LAMA2: variants seen among roughly 807,000 people sequenced by gnomAD.
The protein encoded by LAMA2 is laminin subunit alpha-2.
A neutral mutation model predicts 364.8 loss-of-function variants in LAMA2; 269 were observed. The ratio of observed to expected loss-of-function variants is 0.74; its 90% CI spans 0.67 to 0.82. The LOEUF (loss-of-function observed/expected upper bound fraction) is 0.82, where lower values mean the gene tolerates loss of function less well. LAMA2 is among the 40% of genes least tolerant of loss of function. The probability of loss-of-function intolerance (pLI) is 0.00; values close to 1 mark genes in which losing one functional copy is unlikely to be tolerated. For missense variants in LAMA2, 3,807 were observed against 3,873.2 expected (o/e 0.98, Z 0.45); for synonymous variants, 1,379 against 1,370.6 (o/e 1.01, Z -0.14).
At chr6:129,457,416 G>A in intron 48 of LAMA2, among the ~76,000 whole-genome samples, 1 of 151,998 alleles carries the variant, frequency 6.6e-6, no homozygotes, top group Admixed American at 6.6e-5. Context: ...GCACACAGTA[G>A]TACAAAAGCC....
intron 1 of LAMA2, among the ~76,000 whole-genome samples, chr6:129,042,819 T>A (rs947671893): frequency 6.6e-6 from 1 of 152,218 alleles, no homozygotes; most frequent in Non-Finnish European, 1.5e-5. Context: ...TTTGGAGTCA[T>A]CAGCATTGTT....
chr6:129,070,634 T>C (rs1313957131), intron 3 of LAMA2, among the ~76,000 whole-genome samples: 1 of 152,176 alleles, frequency 6.6e-6, no homozygotes. Context: ...GTATGCTCTT[T>C]CCTTAAAAGC....
At chr6:129,402,545 A>G in intron 39 of LAMA2, 58 bp downstream of exon 39, 3 of 1,504,682 alleles carry the variant, frequency 2.0e-6, no homozygotes, top group Non-Finnish European at 1.8e-6. Context: ...AAAGGTTTTG[A>G]CTAGCATAAA....
chr6:129,037,816 C>T (rs1260562791), intron 1 of LAMA2, among the ~76,000 whole-genome samples: 2 of 152,076 alleles, frequency 1.3e-5, no homozygotes, highest in Admixed American at 6.5e-5. Context: ...ACTACAGGTG[C>T]TTGCCACCAC....
intron 21 of LAMA2, among the ~76,000 whole-genome samples, chr6:129,299,114 A>G (rs991798257): frequency 6.6e-6 from 1 of 152,018 alleles, no homozygotes; most frequent in Non-Finnish European, 1.5e-5. Flanking sequence ...ATGCAGACCT[A>G]CTAGCATTCT....
chr6:129,495,722 G>T (rs1785137937), intron 58 of LAMA2, among the ~76,000 whole-genome samples: 1 of 151,974 alleles, frequency 6.6e-6, no homozygotes, highest in Admixed American at 6.6e-5. Context: ...ATTTTATAGG[G>T]CCTCTCAAGC....
intron 1 of LAMA2, among the ~76,000 whole-genome samples, chr6:128,950,296 G>A (rs1298367997): frequency 1.3e-5 from 2 of 152,104 alleles, no homozygotes; most frequent in Non-Finnish European, 2.9e-5. Flanking sequence ...AGGAAGATAT[G>A]TTCAAAGCAG....
chr6:128,956,576 T>A (rs1398809997), intron 1 of LAMA2, among the ~76,000 whole-genome samples: 1 of 152,040 alleles, frequency 6.6e-6, no homozygotes, highest in Non-Finnish European at 1.5e-5. Context: ...AATTAATGTA[T>A]AATAAACTTA....
At chr6:129,322,546 T>C (rs1402535120) in intron 28 of LAMA2, among the ~76,000 whole-genome samples, 2 of 152,194 alleles carry the variant, frequency 1.3e-5, no homozygotes, top group African/African-American at 4.8e-5. Flanking sequence ...CCTTCGTTAT[T>C]ATATAGCTAT....
chr6:129,400,577 T>C (rs1162237615), intron 37 of LAMA2, among the ~76,000 whole-genome samples: 1 of 152,150 alleles, frequency 6.6e-6, no homozygotes, highest in Non-Finnish European at 1.5e-5. Context: ...AAGTAAAAAA[T>C]AGACCCCAAA....
intron 1 of LAMA2, among the ~76,000 whole-genome samples, chr6:128,927,018 C>T (rs1031438225): frequency 6.6e-6 from 1 of 152,146 alleles, no homozygotes; most frequent in African/African-American, 2.4e-5. Flanking sequence ...AAGCACAAAA[C>T]AGTGAAGCTG....
intron 1 of LAMA2, among the ~76,000 whole-genome samples, chr6:128,884,661 A>C (rs1298002172): frequency 6.6e-6 from 1 of 152,180 alleles, no homozygotes; most frequent in Non-Finnish European, 1.5e-5. Context: ...CTTCTCTGAG[A>C]GGTAAAATGG....
chr6:128,918,085 G>A (rs148914625), intron 1 of LAMA2, among the ~76,000 whole-genome samples: 414 of 151,882 alleles, frequency 2.7e-3, no homozygotes, highest in African/African-American at 9.7e-3. Flanking sequence ...CTTTAAACTC[G>A]TTGTTATAAA....
chr6:129,120,882 T>C (rs1212621070), intron 4 of LAMA2, among the ~76,000 whole-genome samples: 1 of 152,230 alleles, frequency 6.6e-6, no homozygotes, highest in African/African-American at 2.4e-5. Context: ...GTGTCTAATG[T>C]CTTCTTCATA....
chr6:129,047,026 T>C (rs1362222310), intron 1 of LAMA2, among the ~76,000 whole-genome samples: 2 of 152,206 alleles, frequency 1.3e-5, no homozygotes, highest in African/African-American at 2.4e-5. Context: ...TAGAAAGATA[T>C]ACAGACAAAC....
intron 40 of LAMA2, among the ~76,000 whole-genome samples, chr6:129,415,675 A>G (rs112469709): frequency 1.3e-5 from 2 of 151,982 alleles, no homozygotes; most frequent in African/African-American, 4.8e-5. Context: ...GCGAAACCCC[A>G]TCTCTACTAA....
At chr6:129,507,406 G>A (rs1367782603) in intron 61 of LAMA2, 83 bp from the exon 62 acceptor site, 1 of 1,405,762 alleles carries the variant, frequency 7.1e-7, no homozygotes, top group African/African-American at 1.4e-5. Flanking sequence ...CACACATAGA[G>A]CACCCTGCAA....
chr6:129,390,500 C>CCT (rs1358564773), intron 35 of LAMA2, among the ~76,000 whole-genome samples: 2 of 151,496 alleles, frequency 1.3e-5, no homozygotes, highest in Non-Finnish European at 2.9e-5. Context: ...TCGGATACAC[C>CCT]CTTGAATGGT....
chr6:129,494,576 C>A (rs1246474065), intron 58 of LAMA2, among the ~76,000 whole-genome samples: 1 of 152,082 alleles, frequency 6.6e-6, no homozygotes, highest in Admixed American at 6.5e-5. Context: ...CATTTTATTC[C>A]CACCCTATTG....
Sources: gnomAD v4.1 joint callset for allele counts (sites outside exome capture counted in the v4.1 genomes callset) on GRCh38, gnomAD v4.1.1 for gene constraint, MANE v1.5 for transcripts, NCBI Gene and HGNC (gene_info 2026-07-23, HGNC 2026-07-21) for gene names.